CTNNA3: variants seen among roughly 807,000 people sequenced by gnomAD.
CTNNA3 encodes the protein catenin alpha 3.
CTNNA3 carries 76 observed loss-of-function variants against 95.7 expected under a neutral mutation model. The observed-to-expected ratio is 0.79, with a 90% confidence interval of 0.66 to 0.96. CTNNA3 has a LOEUF of 0.96. CTNNA3 is among the 40% of genes least tolerant of loss of function. The pLI is 0.00. For synonymous variants in CTNNA3, 431 were observed against 374.4 expected, an observed-to-expected ratio of 1.15 and a Z score of -1.74; for missense variants, 1,191 against 1,089.8, an observed-to-expected ratio of 1.09 and a Z score of -1.31.
chr10:66,600,002 G>C (rs1295862362), intron 10 of CTNNA3, among the ~76,000 whole-genome samples: 1 of 151,792 alleles, frequency 6.6e-6, no homozygotes, highest in Non-Finnish European at 1.5e-5. Flanking sequence ...AATGACTTAA[G>C]ATAGTACAAA....
chr10:67,311,150 C>A (rs2132525531), intron 5 of CTNNA3, among the ~76,000 whole-genome samples: 1 of 152,220 alleles, frequency 6.6e-6, no homozygotes, highest in East Asian at 1.9e-4. Context: ...GATTTTGACT[C>A]TGGAAAAAAC....
chr10:66,484,471 A>G (rs1177922991), intron 11 of CTNNA3, among the ~76,000 whole-genome samples: 2 of 152,066 alleles, frequency 1.3e-5, no homozygotes, highest in African/African-American at 2.4e-5. Context: ...GAAAGAATAA[A>G]GGAGTGTCTG....
chr10:66,548,076 C>T (rs7067654), intron 10 of CTNNA3, among the ~76,000 whole-genome samples: 1,895 of 152,086 alleles, frequency 0.012, 35 homozygotes, highest in African/African-American at 0.043. Flanking sequence ...CCACCATGTC[C>T]GGCTCCCATT....
chr10:67,612,853 C>T (rs924684044), intron 2 of CTNNA3, among the ~76,000 whole-genome samples: 4 of 152,192 alleles, frequency 2.6e-5, no homozygotes, highest in African/African-American at 9.7e-5. Flanking sequence ...CTGCCCCATT[C>T]ACCAATCTAT....
chr10:66,502,700 A>G (rs74734971), intron 11 of CTNNA3, among the ~76,000 whole-genome samples: 170 of 151,988 alleles, frequency 1.1e-3, no homozygotes, highest in African/African-American at 3.8e-3. Flanking sequence ...GTTTGCTGCT[A>G]TTTGCTCATT....
intron 12 of CTNNA3, among the ~76,000 whole-genome samples, chr10:66,306,405 T>C (rs966725234): frequency 6.6e-6 from 1 of 151,740 alleles, no homozygotes; most frequent in African/African-American, 2.4e-5. Context: ...ACTGCCAATA[T>C]AGAAAGCCAA....
chr10:66,470,095 G>C (rs778524292), intron 11 of CTNNA3, among the ~76,000 whole-genome samples: 1 of 151,788 alleles, frequency 6.6e-6, no homozygotes, highest in Admixed American at 6.6e-5. Flanking sequence ...AGATTTTTGA[G>C]ACCAAAAATC....
chr10:66,285,930 G>C (rs1423994935), intron 12 of CTNNA3, among the ~76,000 whole-genome samples: 1 of 151,768 alleles, frequency 6.6e-6, no homozygotes, highest in Non-Finnish European at 1.5e-5. Context: ...TTCTATGTAA[G>C]TTGTATATGG....
intron 15 of CTNNA3, among the ~76,000 whole-genome samples, chr10:66,020,341 A>G (rs2079177965): frequency 6.6e-6 from 1 of 152,144 alleles, no homozygotes; most frequent in Non-Finnish European, 1.5e-5. Context: ...CTGGGAAGAG[A>G]CTGCTTTTGC....
intron 7 of CTNNA3, among the ~76,000 whole-genome samples, chr10:67,069,435 G>T (rs1037702301): frequency 1.3e-5 from 2 of 151,994 alleles, no homozygotes; most frequent in Non-Finnish European, 2.9e-5. Flanking sequence ...TGTTTTTGAA[G>T]TATAAGATTT....
intron 6 of CTNNA3, among the ~76,000 whole-genome samples, chr10:67,182,037 AAG>A (rs1005909184): frequency 2.1e-4 from 27 of 130,642 alleles, no homozygotes; most frequent in African/African-American, 8.0e-4. Context: ...AATGAAATAA[AAG>A]AGGATACAAA....
At chr10:66,446,963 C>A (rs912708156) in intron 11 of CTNNA3, among the ~76,000 whole-genome samples, 7 of 151,824 alleles carry the variant, frequency 4.6e-5, no homozygotes, top group Non-Finnish European at 8.8e-5. Context: ...AGCTGATAAG[C>A]AACTTCAGCA....
chr10:66,940,346 A>T (rs965046600), intron 7 of CTNNA3, among the ~76,000 whole-genome samples: 13 of 152,110 alleles, frequency 8.5e-5, no homozygotes, highest in African/African-American at 2.7e-4. Context: ...ATGAAAAAAA[A>T]TTACCTGGGT....
chr10:66,101,710 T>C (rs1462909830), intron 14 of CTNNA3, among the ~76,000 whole-genome samples: 1 of 152,112 alleles, frequency 6.6e-6, no homozygotes, highest in African/African-American at 2.4e-5. Context: ...TCAAAGTAGA[T>C]AAACAAACAA....
chr10:67,527,442 A>T (rs1255415023), intron 4 of CTNNA3, among the ~76,000 whole-genome samples: 1 of 152,204 alleles, frequency 6.6e-6, no homozygotes, highest in Non-Finnish European at 1.5e-5. Flanking sequence ...TCCTAATTGA[A>T]GAGGACCAAC....
chr10:67,107,777 TCTG>T (rs763067015), intron 7 of CTNNA3, among the ~76,000 whole-genome samples: 13 of 152,004 alleles, frequency 8.6e-5, no homozygotes, highest in South Asian at 2.1e-4. Context: ...TCCAAACAGG[TCTG>T]CACACTGGGA....
At chr10:66,096,266 A>C (rs1321242480) in intron 14 of CTNNA3, among the ~76,000 whole-genome samples, 1 of 152,054 alleles carries the variant, frequency 6.6e-6, no homozygotes, top group African/African-American at 2.4e-5. Flanking sequence ...AGACAGAACA[A>C]AACCTTTGAT....
At chr10:66,396,385 T>C (rs570086338) in intron 11 of CTNNA3, among the ~76,000 whole-genome samples, 8 of 152,136 alleles carry the variant, frequency 5.3e-5, no homozygotes, top group African/African-American at 1.9e-4. Flanking sequence ...ATTAATGATG[T>C]AGTTTACTAA....
rs181427905 is a variant in CTNNA3, at chr10:67,019,941, C to T, written c.1047+160376G>A. Among the ~76,000 whole-genome samples the T allele has an allele frequency of 3.4e-3, 511 of 152,184 alleles. 1 individual carries two copies. The highest frequency in any genetic ancestry group is 0.012 in the African/African-American group (485 of 41,524). On this transcript the variant is annotated intron_variant, in intron 7 of 17. Transcript: ENST00000433211. ...ATTAAATGCATTTATGAAATAAGAA[C>T]GTCACTTGTTTAATTTGCTTTAAAT...
Sources: allele counts gnomAD v4.1 joint callset (sites outside exome capture counted in the v4.1 genomes callset), GRCh38; gene constraint gnomAD v4.1.1; transcripts MANE v1.5; gene names NCBI Gene and HGNC (gene_info 2026-07-23, HGNC 2026-07-21).